Variants in ABCA12 observed in about 807,000 individuals in gnomAD.
The protein encoded by ABCA12 is glucosylceramide transporter ABCA12.
A neutral mutation model predicts 293.5 loss-of-function variants in ABCA12; 156 were observed. That is an observed-to-expected ratio of 0.53 (90% CI 0.47 to 0.61). The LOEUF is 0.61. Among genes scored for constraint, ABCA12 ranks in the 20% least tolerant of loss-of-function variants. The probability of loss-of-function intolerance (pLI) is 0.00; values close to 1 mark genes in which losing one functional copy is unlikely to be tolerated. For missense variants in ABCA12, 2,797 were observed against 3,090.2 expected, an observed-to-expected ratio of 0.91 and a Z score of 2.25; for synonymous variants, 1,063 against 1,108.0, an observed-to-expected ratio of 0.96 and a Z score of 0.81.
At chr2:215,036,915 G>T in intron 8 of ABCA12, 38 bp downstream of exon 8, 1 of 1,553,172 alleles carries the variant, frequency 6.4e-7, no homozygotes, top group Non-Finnish European at 8.9e-7. Flanking sequence ...TGGGCTTTGT[G>T]ACACTGAATT....
chr2:215,088,883 A>T (rs927567197), intron 2 of ABCA12, among the ~76,000 whole-genome samples: 1 of 152,032 alleles, frequency 6.6e-6, no homozygotes, highest in East Asian at 1.9e-4. Flanking sequence ...AAAAGGGTTA[A>T]TTTTTTTTGA....
intron 11 of ABCA12, chr2:215,022,088 GT>G (rs1356168268): frequency 6.6e-6 from 1 of 152,014 alleles, no homozygotes; most frequent in African/African-American, 2.4e-5. Context: ...TCTCCAGGGA[GT>G]TTTTTGTGGT....
chr2:215,028,409 CTT>C (rs1574995360), intron 9 of ABCA12, among the ~76,000 whole-genome samples: 1 of 152,156 alleles, frequency 6.6e-6, no homozygotes, highest in African/African-American at 2.4e-5. Context: ...TATTCATAGT[CTT>C]TATATTTTTT....
chr2:214,970,297 G>C lies in ABCA12; in HGVS notation c.5666C>G (p.Thr1889Ser), dbSNP rs1432691208. Reference protein sequence around the residue: ...GQRVENYLISTANEFVQKRYG... With the variant: ...GQRVENYLISSANEFVQKRYG... Reference sequence around the variant, plus strand: ...CCTTTTTTGGACAAACTCATTTGCAGTTGATATAAGATAATTTTCCACTCG... The same window carrying C: ...CCTTTTTTGGACAAACTCATTTGCACTTGATATAAGATAATTTTCCACTCG... Residue 1889 changes from threonine to serine, a missense_variant, in exon 37 of 53, where the codon ACT becomes AGT. Physicochemically the swap from Thr to Ser is moderately conservative, Grantham distance 58. Coordinates refer to ENST00000272895, the MANE Select transcript of ABCA12 (RefSeq NM_173076.3). The C allele has an allele frequency of 4.3e-6, 7 of 1,612,664 alleles. No homozygotes were observed. Among genetic ancestry groups the C allele is most frequent in the Non-Finnish European group, 5.9e-6 (7 of 1,179,310 alleles).
chr2:215,042,828 C>T (rs1342332846), intron 7 of ABCA12, among the ~76,000 whole-genome samples: 5 of 152,256 alleles, frequency 3.3e-5, no homozygotes, highest in Non-Finnish European at 5.9e-5. Context: ...CTTTCTACCC[C>T]TTGATCAACC....
chr2:215,014,224 T>C (rs1700440474), intron 15 of ABCA12, among the ~76,000 whole-genome samples: 1 of 151,546 alleles, frequency 6.6e-6, no homozygotes, highest in African/African-American at 2.4e-5. Flanking sequence ...ATAAAATATA[T>C]AGTTGGCTGG....
At chr2:215,053,602 A>G (rs1701361136) in intron 4 of ABCA12, among the ~76,000 whole-genome samples, 1 of 151,916 alleles carries the variant, frequency 6.6e-6, no homozygotes. Context: ...AAAACCATTC[A>G]CCACCATGTT....
intron 2 of ABCA12, among the ~76,000 whole-genome samples, chr2:215,098,751 C>A (rs1467600581): frequency 6.6e-6 from 1 of 152,216 alleles, no homozygotes; most frequent in Non-Finnish European, 1.5e-5. Context: ...TGCTTCAACA[C>A]TTAGTAAGGA....
chr2:215,003,593 GT>G (rs1320514700), intron 20 of ABCA12, among the ~76,000 whole-genome samples: 1 of 151,780 alleles, frequency 6.6e-6, no homozygotes, highest in East Asian at 1.9e-4. Flanking sequence ...CTAAAATAAA[GT>G]GCTCCCTTAC....
intron 8 of ABCA12, chr2:215,032,314 T>C: frequency 4.5e-6 from 1 of 222,762 alleles, no homozygotes; most frequent in Non-Finnish European, 8.9e-6. Context: ...TTCAGTTGTC[T>C]AGAATGTAGC....
intron 7 of ABCA12, among the ~76,000 whole-genome samples, chr2:215,037,444 T>C (rs1033647418): frequency 1.3e-5 from 2 of 152,166 alleles, no homozygotes; most frequent in Non-Finnish European, 2.9e-5. Flanking sequence ...AGTATTTTCA[T>C]TAAAAACCAA....
chr2:215,012,836 C>T (rs1243876115), intron 15 of ABCA12, among the ~76,000 whole-genome samples: 2 of 151,988 alleles, frequency 1.3e-5, no homozygotes, highest in Non-Finnish European at 2.9e-5. Flanking sequence ...TTTTATAAGT[C>T]ATAAAGGCAA....
At chr2:215,012,409 A>C (rs991499630) in intron 15 of ABCA12, among the ~76,000 whole-genome samples, 1 of 152,240 alleles carries the variant, frequency 6.6e-6, no homozygotes, top group African/African-American at 2.4e-5. Flanking sequence ...AGGTGAGTGG[A>C]CAAAGTATAT....
chr2:215,038,798 A>G (rs958374087), intron 7 of ABCA12: 4 of 152,210 alleles, frequency 2.6e-5, no homozygotes, highest in Admixed American at 2.0e-4. Context: ...CAGCATTATT[A>G]TCATTAACAT....
At chr2:214,981,962 TATTA>T (rs1699671832) in intron 30 of ABCA12, among the ~76,000 whole-genome samples, 13 of 132,278 alleles carry the variant, frequency 9.8e-5, no homozygotes, top group Admixed American at 2.3e-4. Context: ...TTATTATTAT[TATTA>T]TTATTATTAT....
intron 37 of ABCA12, among the ~76,000 whole-genome samples, chr2:214,969,066 C>T (rs1298953987): frequency 6.6e-6 from 1 of 151,974 alleles, no homozygotes; most frequent in Non-Finnish European, 1.5e-5. Flanking sequence ...AAATGAGTGG[C>T]ATATAATGTA....
chr2:215,019,280 G>T, intron 13 of ABCA12, 56 bp downstream of exon 13: 4 of 1,494,340 alleles, frequency 2.7e-6, no homozygotes, highest in Non-Finnish European at 3.7e-6. Context: ...AAACTGCAGC[G>T]TGAGAATCAC....
intron 2 of ABCA12, chr2:215,085,508 T>A (rs1470793527): frequency 6.6e-6 from 1 of 152,198 alleles, no homozygotes; most frequent in African/African-American, 2.4e-5. Flanking sequence ...AGGTAAAAGA[T>A]TTACCATTCT....
In ABCA12 at chr2:214,986,533, T is replaced by TTAAC; in HGVS notation, c.4163+5_4163+8dup. 1 of 1,613,780 alleles carries TTAAC rather than the reference T, an allele frequency of 6.2e-7. No individual in the cohort carries two copies. Among genetic ancestry groups the TTAAC allele is most frequent in the Admixed American group, 1.7e-5 (1 of 60,020 alleles). On this transcript the variant is annotated intron_variant, in intron 28 of 52. Transcript: ENST00000272895. ...TTCCATGGCAATAAATGTCAAAAAG[T>TTAAC]TAACATACATGGTAGTAGTTTTCCC...
Sources: gnomAD v4.1 joint callset for allele counts (sites outside exome capture counted in the v4.1 genomes callset) on GRCh38, gnomAD v4.1.1 for gene constraint, MANE v1.5 for transcripts, NCBI Gene and HGNC (gene_info 2026-07-23, HGNC 2026-07-21) for gene names.